The following SLC16A10 variants were observed in gnomAD, a reference collection of about 807,000 sequenced individuals.
SLC16A10 encodes the protein solute carrier family 16 member 10, also known as monocarboxylate transporter 10.
A neutral mutation model predicts 40.0 loss-of-function variants in SLC16A10; 27 were observed. That is an observed-to-expected ratio of 0.67 (90% CI 0.50 to 0.93). The LOEUF (loss-of-function observed/expected upper bound fraction) is 0.93. Among genes scored for constraint, SLC16A10 ranks in the 40% least tolerant of loss-of-function variants. The pLI is 0.00. For missense variants in SLC16A10, 529 were observed against 658.2 expected, an observed-to-expected ratio of 0.80 and a Z score of 2.15; for synonymous variants, 213 against 249.8, an observed-to-expected ratio of 0.85 and a Z score of 1.39.
chr6:111,105,230 A>C lies in SLC16A10; in HGVS notation c.343+17135A>C, dbSNP rs111408908. Among the ~76,000 whole-genome samples, 450 of 152,276 alleles carry C rather than the reference A, an allele frequency of 3.0e-3. 5 individuals carry two copies. The highest frequency in any genetic ancestry group is 0.01 in the African/African-American group (426 of 41,552). On this transcript the variant is annotated intron_variant, in intron 1 of 5. Coordinates refer to ENST00000368851, the MANE Select transcript of SLC16A10 (RefSeq NM_018593.5). ...TGTATTTTAAATTTAAAGTATTGACAGTGGTGAAAACCTGTTCAACAAGCA... is the reference window on the plus strand; with the variant it reads ...TGTATTTTAAATTTAAAGTATTGACCGTGGTGAAAACCTGTTCAACAAGCA...
rs748271646 is a variant in SLC16A10, at chr6:111,227,579, T to G, written c.*5344T>G. 6.6e-6 allele frequency: 1 copy of G among 152,154 alleles called. No homozygotes were observed. Among genetic ancestry groups the G allele is most frequent in the Non-Finnish European group, 1.5e-5 (1 of 68,030 alleles). 9.4% of individuals were successfully genotyped at this position (152,154 alleles called of 1,614,324 possible). Reference sequence around the variant, plus strand: ...TTGCCTTTTTTAAAATTATCAAATTTTAAATCGTAAACTTTGTCTTCACTT... The same window carrying G: ...TTGCCTTTTTTAAAATTATCAAATTGTAAATCGTAAACTTTGTCTTCACTT... On this transcript the variant is annotated 3_prime_UTR_variant, in exon 6 of 6. Transcript: ENST00000368851.
At chr6:111,199,182 G>T (rs1052680302) in intron 3 of SLC16A10, among the ~76,000 whole-genome samples, 1 of 152,194 alleles carries the variant, frequency 6.6e-6, no homozygotes, top group Non-Finnish European at 1.5e-5. Flanking sequence ...AATTTAGGCT[G>T]GGTGTGGGGG....
chr6:111,172,856 T>TTCCTG lies in SLC16A10; in HGVS notation c.488+19_488+20insCTGTC. On this transcript the variant is annotated intron_variant, in intron 2 of 5. Transcript: ENST00000368851. ...TTTTGTAAGGTAAGGACTTGGTTTT[T>TTCCTG]TCATGTTGCTTTTTAAAAACTGTTA... The TTCCTG allele has an allele frequency of 6.2e-7, 1 of 1,607,998 alleles. No individual in the cohort carries two copies. The highest frequency in any genetic ancestry group is 1.1e-5 in the South Asian group (1 of 89,932).
Position 111,212,806 on chromosome 6 carries a change from AAT to A in SLC16A10, c.1087-6006_1087-6005del, listed in dbSNP as rs201805660. Among the ~76,000 whole-genome samples, 686 of 89,962 alleles carry A rather than the reference AAT, an allele frequency of 7.6e-3. 12 individuals are homozygous for A. Among genetic ancestry groups the A allele is most frequent in the South Asian group, 0.017 (35 of 2,104 alleles). 59.0% of individuals were successfully genotyped at this position (89,962 alleles called of 152,430 possible). On this transcript the variant is annotated intron_variant, in intron 4 of 5. Transcript: ENST00000368851. ...AGACTTTGTCTCAAAAAAATAAAAA[AAT>A]AAAAAAAAATGCTGAGTCAAGTCTA...
intron 3 of SLC16A10, among the ~76,000 whole-genome samples, chr6:111,196,500 CAG>C (rs1407530522): frequency 1.3e-5 from 2 of 152,102 alleles, no homozygotes; most frequent in Non-Finnish European, 2.9e-5. Flanking sequence ...AACAATAAAA[CAG>C]AACACAGATT....
At chr6:111,174,617 A>G (rs890152088) in intron 2 of SLC16A10, among the ~76,000 whole-genome samples, 7 of 152,174 alleles carry the variant, frequency 4.6e-5, no homozygotes, top group African/African-American at 1.7e-4. Flanking sequence ...TTTAGCAGCA[A>G]CATAATATTT....
intron 1 of SLC16A10, among the ~76,000 whole-genome samples, chr6:111,160,685 A>G (rs1772354212): frequency 6.6e-6 from 1 of 152,234 alleles, no homozygotes; most frequent in Non-Finnish European, 1.5e-5. Context: ...TTGAAGTGTA[A>G]GGATGGGTGG....
At chr6:111,152,376 C>A (rs1772187536) in intron 1 of SLC16A10, among the ~76,000 whole-genome samples, 1 of 152,186 alleles carries the variant, frequency 6.6e-6, no homozygotes, top group African/African-American at 2.4e-5. Context: ...AGTGCTGGCA[C>A]ATATAGATAC....
In SLC16A10 at chr6:111,230,302, T is replaced by C. The variant is rs910050102; in HGVS notation, c.*8067T>C. ...GAATGACAGGTTTCAGTTGAATTCT[T>C]CTCTTTTAAAAGACCCTGACTTAAC... On this transcript the variant is annotated 3_prime_UTR_variant, in exon 6 of 6. Transcript: ENST00000368851. 1 of 152,158 alleles carries C rather than the reference T, an allele frequency of 6.6e-6. No individual in the cohort carries two copies. The highest frequency in any genetic ancestry group is 2.4e-5 in the African/African-American group (1 of 41,432). The allele number at this position is 152,158 out of a possible 1,614,324, so 9.4% of individuals were successfully genotyped here. A position where few individuals can be genotyped will look rare whatever the true frequency, so the allele number is the denominator to read the frequency against.
intron 3 of SLC16A10, among the ~76,000 whole-genome samples, chr6:111,196,325 G>A (rs1033038542): frequency 6.6e-5 from 10 of 152,100 alleles, no homozygotes; most frequent in African/African-American, 1.9e-4. Context: ...GTGACAGAGT[G>A]AAACTCTGTC....
At position 111,226,173 on chromosome 6, in the gene SLC16A10, T is replaced by TG. The variant is rs1218546636; in HGVS notation, c.*3942dup. 1 of 152,082 alleles carries TG rather than the reference T, an allele frequency of 6.6e-6. No individual in the cohort carries two copies. The highest frequency in any genetic ancestry group is 1.5e-5 in the Non-Finnish European group (1 of 68,008). The allele number at this position is 152,082 out of a possible 1,614,324, so 9.4% of individuals were successfully genotyped here. On this transcript the variant is annotated 3_prime_UTR_variant, in exon 6 of 6. Transcript: ENST00000368851. ...ATTTAAATTTTTAAGGTAAATGCTT[T>TG]GGGGAAAAAAAAAACCATTGCCAAG...
intron 1 of SLC16A10, among the ~76,000 whole-genome samples, chr6:111,163,302 G>A (rs1000431071): frequency 7.3e-5 from 11 of 150,884 alleles, no homozygotes; most frequent in Non-Finnish European, 1.6e-4. Flanking sequence ...ACAGGCGCCC[G>A]CCACTACGCC....
In SLC16A10 at chr6:111,129,867, CT is replaced by C. The variant is rs375631812; in HGVS notation, c.343+41773del. Among the ~76,000 whole-genome samples, 6 of 152,278 alleles carry C rather than the reference CT, an allele frequency of 3.9e-5. No homozygotes were observed. The East Asian group carries it at 9.6e-4, about 24-fold the overall frequency. On this transcript the variant is annotated intron_variant, in intron 1 of 5. Transcript: ENST00000368851. ...AGAGACAATTGTTTCTCTTTTCTCC[CT>C]CATAAAATAAGTAAAATTCAAAGTG...
chr6:111,134,824 C>T (rs1021304637), intron 1 of SLC16A10, among the ~76,000 whole-genome samples: 1 of 152,322 alleles, frequency 6.6e-6, no homozygotes, highest in African/African-American at 2.4e-5. Flanking sequence ...GATCCAGCAG[C>T]AGGACTGAGG....
intron 3 of SLC16A10, among the ~76,000 whole-genome samples, chr6:111,196,884 A>G (rs952201417): frequency 3.9e-5 from 6 of 152,238 alleles, no homozygotes; most frequent in African/African-American, 1.2e-4. Flanking sequence ...TTGATCATCC[A>G]TAGATACGGG....
intron 4 of SLC16A10, among the ~76,000 whole-genome samples, chr6:111,213,758 C>T (rs906680602): frequency 6.6e-6 from 1 of 152,208 alleles, no homozygotes; most frequent in African/African-American, 2.4e-5. Context: ...TGAAGCACTT[C>T]GAAGTGACAC....
chr6:111,132,750 C>T (rs1420107791), intron 1 of SLC16A10, among the ~76,000 whole-genome samples: 1 of 152,120 alleles, frequency 6.6e-6, no homozygotes, highest in Non-Finnish European at 1.5e-5. Flanking sequence ...TACAAAGGTC[C>T]GACAGATCTA....
chr6:111,106,297 A>G (rs1387545970), intron 1 of SLC16A10, among the ~76,000 whole-genome samples: 1 of 152,204 alleles, frequency 6.6e-6, no homozygotes, highest in Non-Finnish European at 1.5e-5. Flanking sequence ...ATTGACTTCA[A>G]AACATGGTGT....
intron 1 of SLC16A10, among the ~76,000 whole-genome samples, chr6:111,108,825 C>T (rs1267657197): frequency 6.6e-6 from 1 of 152,140 alleles, no homozygotes; most frequent in Non-Finnish European, 1.5e-5. Context: ...ACAAACTTCA[C>T]CTGCTTATGT....
Sources: gnomAD v4.1 joint callset for allele counts (sites outside exome capture counted in the v4.1 genomes callset) on GRCh38, gnomAD v4.1.1 for gene constraint, MANE v1.5 for transcripts, NCBI Gene and HGNC (gene_info 2026-07-23, HGNC 2026-07-21) for gene names.